RBM43: variants seen among roughly 807,000 people sequenced by gnomAD.
The protein encoded by RBM43 is RNA-binding protein 43.
A neutral mutation model predicts 12.4 loss-of-function variants in RBM43; 12 were observed. That is an observed-to-expected ratio of 0.97 (90% confidence interval 0.62 to 1.57). The LOEUF (loss-of-function observed/expected upper bound fraction) is 1.57, where lower values mean the gene tolerates loss of function less well. Among genes scored for constraint, RBM43 ranks in the 40% most tolerant of loss-of-function variants. The pLI, the probability that RBM43 is intolerant of heterozygous loss-of-function variation, is 0.00. For synonymous variants in RBM43, 138 were observed against 145.7 expected, an observed-to-expected ratio of 0.95 and a Z score of 0.38; for missense variants, 348 against 400.1, an observed-to-expected ratio of 0.87 and a Z score of 1.11.
At chr2:151,253,473 C>T (rs541110456) in intron 2 of RBM43, among the ~76,000 whole-genome samples, 65 of 152,266 alleles carry the variant, frequency 4.3e-4, no homozygotes, top group Non-Finnish European at 6.8e-4. Flanking sequence ...CTGTTGATAA[C>T]TATCTCCCTC....
chr2:151,261,441 C>T, intron 1 of RBM43: 2 of 1,550,628 alleles, frequency 1.3e-6, no homozygotes, highest in Non-Finnish European at 1.7e-6. Flanking sequence ...ACAGCCTAGT[C>T]CTGAGCCTCT....
chr2:151,250,758 C>T lies in RBM43; in HGVS notation c.*148G>A, dbSNP rs570022955. 3.0e-3 allele frequency: 1,754 copies of T among 578,120 alleles called. 9 individuals carry two copies. Among genetic ancestry groups the T allele is most frequent in the Non-Finnish European group, 2.9e-3 (985 of 339,470 alleles). The allele number at this position is 578,120 out of a possible 1,614,324, so 35.8% of individuals were successfully genotyped here. A position where few individuals can be genotyped will look rare whatever the true frequency, so the allele number is the denominator to read the frequency against. On this transcript the variant is annotated 3_prime_UTR_variant, in exon 4 of 4. Coordinates refer to ENST00000331426, the MANE Select transcript of RBM43 (RefSeq NM_198557.3). ...AACTTCTCCAAATCCTAGTTTCTTC[C>T]GCTGTAACATGAGGATAGTCAACAC... is the stretch of plus-strand genomic sequence containing the variant.
At position 151,261,214 on chromosome 2, in the gene RBM43, T is replaced by C. The variant is rs555395911; in HGVS notation, c.3+511A>G. ...ACAAGAATTCGCACCAAGGCAGACA[T>C]AAGACATGAGGATGTCTTCCTGACT... On this transcript the variant is annotated intron_variant, in intron 1 of 3. Coordinates refer to ENST00000331426, the MANE Select transcript of RBM43 (RefSeq NM_198557.3). 159 of 1,520,556 alleles carry C rather than the reference T, an allele frequency of 1.0e-4. 4 individuals are homozygous for C. The highest frequency in any genetic ancestry group is 7.1e-4 in the South Asian group (58 of 81,854). 94.2% of individuals were successfully genotyped at this position (1,520,556 alleles called of 1,614,324 possible).
rs1682858426 is a variant in RBM43, at chr2:151,249,130, G to C, written c.*1776C>G. On this transcript the variant is annotated 3_prime_UTR_variant, in exon 4 of 4. Transcript: ENST00000331426. ...GGTGGGGGTGTAGGGGGTTCAAAGG[G>C]CCCCAACATGGGTACCTCATGCCAT... 1 of 152,118 alleles carries C rather than the reference G, an allele frequency of 6.6e-6. No homozygotes were observed. The highest frequency in any genetic ancestry group is 1.5e-5 in the Non-Finnish European group (1 of 68,042). 9.4% of individuals were successfully genotyped at this position (152,118 alleles called of 1,614,324 possible).
chr2:151,260,574 GA>G (rs576731339), intron 1 of RBM43, among the ~76,000 whole-genome samples: 2 of 151,936 alleles, frequency 1.3e-5, no homozygotes, highest in Non-Finnish European at 2.9e-5. Flanking sequence ...ATTTTTAGAA[GA>G]AAAAAACATA....
At position 151,251,381 on chromosome 2, in the gene RBM43, T is replaced by G; in HGVS notation, c.599A>C (p.Asn200Thr). The G allele has an allele frequency of 6.2e-7, 1 of 1,614,200 alleles. No homozygotes were observed. Among genetic ancestry groups the G allele is most frequent in the Non-Finnish European group, 8.5e-7 (1 of 1,180,016 alleles). The change falls in exon 4 of 4, where the codon AAT becomes ACT. Residue 200 changes from asparagine to threonine, a missense_variant. Physicochemically the swap from Asn to Thr is moderately conservative, Grantham distance 65 (BLOSUM62 0). Coordinates refer to ENST00000331426, the MANE Select transcript of RBM43 (RefSeq NM_198557.3). Reference sequence around the variant, plus strand: ...GGTCCTGACTGATGCCAAAGAGTTATTACTTCTCTGTAGATTCCTCTGGGG... The same window carrying G: ...GGTCCTGACTGATGCCAAAGAGTTAGTACTTCTCTGTAGATTCCTCTGGGG... ...QNPQRNLQRS[N>T]NSLASVRTLV...
At chr2:151,260,469 T>A (rs990744397) in intron 1 of RBM43, among the ~76,000 whole-genome samples, 9 of 152,216 alleles carry the variant, frequency 5.9e-5, no homozygotes, top group African/African-American at 1.7e-4. Flanking sequence ...TTACTTCAGC[T>A]CTATGCCCTC....
chr2:151,252,725 T>C (rs754771389), intron 3 of RBM43, 30 bp downstream of exon 3: 10 of 1,193,720 alleles, frequency 8.4e-6, no homozygotes, highest in Non-Finnish European at 1.0e-5. Flanking sequence ...GATACAGGAC[T>C]ATCAGTACAC....
At chr2:151,256,753 G>A (rs1318297780) in intron 1 of RBM43, among the ~76,000 whole-genome samples, 6 of 152,070 alleles carry the variant, frequency 3.9e-5, no homozygotes, top group African/African-American at 1.2e-4. Flanking sequence ...CAGGAGGCGG[G>A]GGTTGCAGTG....
In RBM43 at chr2:151,261,768, A is replaced by C. The variant is rs886206604; in HGVS notation, c.-41T>G. On this transcript the variant is annotated 5_prime_UTR_variant, in exon 1 of 4. Transcript: ENST00000331426. ...CGCCCTCAGCGGCCGCAGAAAGCCC[A>C]CAACCAGCGGAACGCAGGCGATGGG... 1.9e-6 allele frequency: 3 copies of C among 1,593,254 alleles called. No homozygotes were observed. The highest frequency in any genetic ancestry group is 2.7e-5 in the African/African-American group (2 of 74,726).
intron 1 of RBM43, among the ~76,000 whole-genome samples, chr2:151,255,965 CT>C (rs1174303741): frequency 6.6e-6 from 1 of 152,022 alleles, no homozygotes; most frequent in Non-Finnish European, 1.5e-5. Context: ...TTAAACCCTT[CT>C]TTTTTTCTTT....
intron 2 of RBM43, 50 bp downstream of exon 2, chr2:151,255,483 T>G: frequency 8.2e-7 from 1 of 1,212,890 alleles, no homozygotes; most frequent in Non-Finnish European, 1.2e-6. Flanking sequence ...AATTTTTAAA[T>G]TTTATTGAAG....
chr2:151,251,424 T>C lies in RBM43; in HGVS notation c.556A>G (p.Lys186Glu). 1.2e-6 allele frequency: 2 copies of C among 1,614,236 alleles called. No homozygotes were observed. The highest frequency in any genetic ancestry group is 1.7e-6 in the Non-Finnish European group (2 of 1,180,038). The change falls in exon 4 of 4, where the codon AAG (lysine) becomes GAG (glutamate). Residue 186 changes from lysine to glutamate, a missense_variant. Coordinates refer to ENST00000331426, the MANE Select transcript of RBM43 (RefSeq NM_198557.3). ...KDRNFTSEER[K>E]WNRQNPQRNL... is the part of the protein sequence containing the mutation. The stretch of plus-strand genomic sequence containing the variant: ...CTCTGGGGATTTTGTCTATTCCACT[T>C]TCTCTCCTCACTGGTAAAATTTCTG...
chr2:151,260,116 T>C (rs1214392184), intron 1 of RBM43, among the ~76,000 whole-genome samples: 10 of 150,216 alleles, frequency 6.7e-5, no homozygotes, highest in South Asian at 6.4e-4. Flanking sequence ...CGCTCCCCCC[T>C]CGGCCTCTCG....
At chr2:151,256,753 G>T (rs1318297780) in intron 1 of RBM43, among the ~76,000 whole-genome samples, 1 of 152,070 alleles carries the variant, frequency 6.6e-6, no homozygotes, top group East Asian at 1.9e-4. Context: ...CAGGAGGCGG[G>T]GGTTGCAGTG....
chr2:151,251,047 C>T lies in RBM43; in HGVS notation c.933G>A (p.Arg311=), dbSNP rs1682894158. 6.2e-7 allele frequency: 1 copy of T among 1,613,960 alleles called. No individual in the cohort carries two copies. Among genetic ancestry groups the T allele is most frequent in the Non-Finnish European group, 8.5e-7 (1 of 1,179,944 alleles). The change falls in exon 4 of 4, where the codon AGG becomes AGA. Residue 311 remains arginine, a synonymous_variant. Coordinates refer to ENST00000331426, the MANE Select transcript of RBM43 (RefSeq NM_198557.3). ...KENREKRMIK[R]ACEQLSSRYL... ...ATCTCGAACTTAATTGTTCACATGC[C>T]CTTTTGATCATTCTTTTCTCTCTAT...
In RBM43 at chr2:151,250,721, G is replaced by T; in HGVS notation, c.*185C>A. The T allele has an allele frequency of 2.0e-6, 1 of 497,150 alleles. No homozygotes were observed. The highest frequency in any genetic ancestry group is 3.5e-6 in the Non-Finnish European group (1 of 286,168). 30.8% of individuals were successfully genotyped at this position (497,150 alleles called of 1,614,324 possible). A position where few individuals can be genotyped will look rare whatever the true frequency, so the allele number is the denominator to read the frequency against. ...ATTCTTTGTCAACTGGATAACTTCA[G>T]AAAAGTGTTTTAACTTCTCCAAATC... is the stretch of plus-strand genomic sequence containing the variant. On this transcript the variant is annotated 3_prime_UTR_variant, in exon 4 of 4. Coordinates refer to ENST00000331426, the MANE Select transcript of RBM43 (RefSeq NM_198557.3).
intron 1 of RBM43, among the ~76,000 whole-genome samples, chr2:151,260,386 G>A (rs780984625): frequency 1.3e-5 from 2 of 151,976 alleles, no homozygotes; most frequent in South Asian, 2.1e-4. Context: ...CCACCGTGCC[G>A]GGCAGGGAGA....
In RBM43 at chr2:151,251,573, A is replaced by ATT; in HGVS notation, c.405_406dup (p.Ile136LysfsTer5). On this transcript the variant is annotated frameshift_variant, in exon 4 of 4. Coordinates refer to ENST00000331426, the MANE Select transcript of RBM43 (RefSeq NM_198557.3). LOFTEE classifies it low-confidence loss of function (END_TRUNC). Reference sequence around the variant, plus strand: ...CAAAGGACTGAAGCTTAAACTCGGGATTTTTTTTTTCAGGTCTTTTACCAG... The same window carrying ATT: ...CAAAGGACTGAAGCTTAAACTCGGGATTTTTTTTTTTTCAGGTCTTTTACCAG... The ATT allele has an allele frequency of 6.3e-7, 1 of 1,578,190 alleles. No individual in the cohort carries two copies. The highest frequency in any genetic ancestry group is 8.7e-7 in the Non-Finnish European group (1 of 1,152,736).
Sources: gnomAD v4.1 joint callset for allele counts (sites outside exome capture counted in the v4.1 genomes callset) on GRCh38, gnomAD v4.1.1 for gene constraint, MANE v1.5 for transcripts, NCBI Gene and HGNC (gene_info 2026-07-23, HGNC 2026-07-21) for gene names.